Variants in CEP295 observed in about 807,000 individuals in gnomAD.
CEP295 encodes centrosomal protein 295.
In CEP295, 190 loss-of-function variants were observed where a neutral mutation model predicts 291.6. The observed-to-expected ratio is 0.65, with a 90% CI of 0.58 to 0.73. CEP295 has a LOEUF of 0.73. Among genes scored for constraint, CEP295 ranks in the 30% least tolerant of loss-of-function variants. The pLI is 0.00. For synonymous variants in CEP295, 993 were observed against 1,038.8 expected (o/e 0.96, Z 0.85); for missense variants, 2,863 against 2,949.4 (o/e 0.97, Z 0.68).
rs180954019 is a variant in CEP295, at chr11:93,725,525, G to A, written c.6319-126G>A. ...ATTGAAAAGAACTGGATTTGAAAAA[G>A]CAAATCATTGCTGTCATAGTGAAGT... On this transcript the variant is annotated intron_variant, in intron 22 of 29. Transcript: ENST00000325212. 7,024 of 777,826 alleles carry A rather than the reference G, an allele frequency of 9.0e-3. 39 individuals carry two copies. Among genetic ancestry groups the A allele is most frequent in the Non-Finnish European group, 0.011 (5,925 of 517,112 alleles). 48.2% of individuals were successfully genotyped at this position (777,826 alleles called of 1,614,324 possible).
At position 93,699,991 on chromosome 11, in the gene CEP295, A is replaced by G; in HGVS notation, c.5079A>G (p.Arg1693=). The G allele has an allele frequency of 1.3e-6, 2 of 1,551,678 alleles. No individual in the cohort carries two copies. Among genetic ancestry groups the G allele is most frequent in the Non-Finnish European group, 1.7e-6 (2 of 1,146,990 alleles). The change falls in exon 15 of 30, where the codon AGA becomes AGG. Residue 1693 remains arginine (R), a synonymous_variant. Transcript: ENST00000325212. ...SNPVIPGFQD[R]LLSFSQSVLT... ...CTGTGATCCCAGGGTTTCAAGATAG[A>G]CTTTTGAGTTTTTCACAGTCTGTCT...
intron 22 of CEP295, among the ~76,000 whole-genome samples, chr11:93,725,196 G>A (rs1323986188): frequency 2.0e-5 from 3 of 151,506 alleles, no homozygotes; most frequent in Admixed American, 6.6e-5. Flanking sequence ...GCAGTGAGCC[G>A]AGATCGTGCC....
intron 12 of CEP295, among the ~76,000 whole-genome samples, chr11:93,694,012 C>G (rs1349498512): frequency 6.6e-6 from 1 of 152,158 alleles, no homozygotes; most frequent in Non-Finnish European, 1.5e-5. Flanking sequence ...TACTACAGAA[C>G]TGTAAACAGT....
chr11:93,716,205 G>T (rs529204492), intron 18 of CEP295, among the ~76,000 whole-genome samples: 16 of 152,260 alleles, frequency 1.1e-4, no homozygotes, highest in African/African-American at 3.9e-4. Flanking sequence ...TCTGGCTAGG[G>T]CTGGTCTAAA....
In CEP295 at chr11:93,697,353, T is replaced by C; in HGVS notation, c.2441T>C (p.Met814Thr). ...SGKIQEPFSA[M>T]SKSTVSTSHS... ...AAAATTCAAGAACCCTTTTCAGCCA[T>C]GAGCAAAAGTACAGTTTCCACAAGC... The change falls in exon 15 of 30, where the codon ATG (methionine) becomes ACG (threonine). Residue 814 changes from methionine to threonine, a missense_variant. Around this residue, in one of 3 missense-constraint regions of CEP295, gnomAD observed 2,295 missense variants for 2,335.7 expected, o/e 0.98. Transcript: ENST00000325212. 6.4e-7 allele frequency: 1 copy of C among 1,551,880 alleles called. No homozygotes were observed. Among genetic ancestry groups the C allele is most frequent in the South Asian group, 1.2e-5 (1 of 84,046 alleles).
rs1439586458 is a variant in CEP295, at chr11:93,722,037, C to A, written c.5934C>A (p.Ser1978Arg). 6.5e-7 allele frequency: 1 copy of A among 1,547,750 alleles called. No homozygotes were observed. The highest frequency in any genetic ancestry group is 8.8e-7 in the Non-Finnish European group (1 of 1,140,790). ...TAAGTTATGAAAACACAGATTTGAG[C>A]CTTACAGATCCAGGTAATAAGGTCA... is the stretch of plus-strand genomic sequence containing the variant. The part of the protein sequence containing the change: ...SLLSYENTDL[S>R]LTDPESFSEH... Residue 1978 changes from serine to arginine, a missense_variant, in exon 20 of 30, where the codon AGC (serine) becomes AGA (arginine). Around this residue, in one of 3 missense-constraint regions of CEP295, gnomAD observed 2,295 missense variants for 2,335.7 expected, o/e 0.98. Coordinates refer to ENST00000325212, the MANE Select transcript of CEP295 (RefSeq NM_033395.2).
chr11:93,690,884 G>A (rs761641650), intron 10 of CEP295, among the ~76,000 whole-genome samples: 2 of 151,886 alleles, frequency 1.3e-5, no homozygotes, highest in Non-Finnish European at 2.9e-5. Flanking sequence ...TTATCCTCAC[G>A]GGGCCTTTTA....
At position 93,724,243 on chromosome 11, in the gene CEP295, T is replaced by C. The variant is rs1478978295; in HGVS notation, c.6197-11T>C. ...CCTCAAAAATTCTAACAGTTGACCT[T>C]GACTTTCCAGAATTGGAACACATTT... On this transcript the variant is annotated splice_polypyrimidine_tract_variant and intron_variant, in intron 21 of 29. Transcript: ENST00000325212. The C allele has an allele frequency of 6.5e-7, 1 of 1,543,578 alleles. No individual in the cohort carries two copies. Among genetic ancestry groups the C allele is most frequent in the Non-Finnish European group, 8.7e-7 (1 of 1,144,724 alleles).
At chr11:93,701,871 G>A (rs1183993690) in intron 15 of CEP295, among the ~76,000 whole-genome samples, 1 of 152,174 alleles carries the variant, frequency 6.6e-6, no homozygotes, top group Non-Finnish European at 1.5e-5. Context: ...CAAAGTGCTA[G>A]GATTACAGGC....
chr11:93,729,453 T>C lies in CEP295; in HGVS notation c.7322T>C (p.Leu2441Pro). 2.6e-6 allele frequency: 4 copies of C among 1,551,664 alleles called. No individual in the cohort carries two copies. Among genetic ancestry groups the C allele is most frequent in the South Asian group, 1.2e-5 (1 of 84,060 alleles). The change falls in exon 26 of 30, where the codon CTT (leucine) becomes CCT (proline). Residue 2441 changes from leucine to proline, a missense_variant. Leu to Pro is a moderately conservative substitution (Grantham distance 98). Transcript: ENST00000325212. ...CATTAGGTGAGTGAGTTTCTGCCTC[T>C]TGTATCAGCAACAGAAGCCTCAGAT... Reference protein sequence around the residue: ...CFFQVSEFLPLVSATEASDYP... With the variant: ...CFFQVSEFLPPVSATEASDYP...
rs1222206356 is a variant in CEP295 at position 93,723,087 on chromosome 11, C to G, written c.5994C>G (p.Thr1998=). 7 of 1,551,002 alleles carry G rather than the reference C, an allele frequency of 4.5e-6. No homozygotes were observed. The highest frequency in any genetic ancestry group is 6.1e-6 in the Non-Finnish European group (7 of 1,146,432). The change falls in exon 21 of 30, where the codon ACC becomes ACG. Residue 1998 remains threonine, a synonymous_variant. Coordinates refer to ENST00000325212, the MANE Select transcript of CEP295 (RefSeq NM_033395.2). ...HMDDSKQEST[T]SKEEETNIIS... ...ATGATAGCAAGCAAGAATCTACCAC[C>G]AGTAAAGAAGAGGAAACAAATATTA...
At position 93,699,701 on chromosome 11, in the gene CEP295, C is replaced by G; in HGVS notation, c.4789C>G (p.Leu1597Val). 6.4e-7 allele frequency: 1 copy of G among 1,551,602 alleles called. No individual in the cohort carries two copies. Among genetic ancestry groups the G allele is most frequent in the Non-Finnish European group, 8.7e-7 (1 of 1,147,022 alleles). The change falls in exon 15 of 30, where the codon CTG becomes GTG. Residue 1597 changes from leucine to valine, a missense_variant. Coordinates refer to ENST00000325212, the MANE Select transcript of CEP295 (RefSeq NM_033395.2). ...DRLLSLSKPI[L>V]PQQDNMTAQL... ...ACTTTTGAGTTTATCAAAGCCTATT[C>G]TGCCTCAGCAAGATAATATGACAGC... is the stretch of plus-strand genomic sequence containing the variant.
At chr11:93,718,885 C>T (rs974679976) in intron 18 of CEP295, among the ~76,000 whole-genome samples, 12 of 152,140 alleles carry the variant, frequency 7.9e-5, no homozygotes, top group Non-Finnish European at 1.3e-4. Context: ...CCCAGGTGGG[C>T]GGATCATAAG....
Position 93,730,306 on chromosome 11 carries a change from A to AT in CEP295, c.*38dup. 1.5e-6 allele frequency: 2 copies of AT among 1,376,028 alleles called. No homozygotes were observed. Among genetic ancestry groups the AT allele is most frequent in the Non-Finnish European group, 1.0e-6 (1 of 992,318 alleles). The allele number at this position is 1,376,028 out of a possible 1,614,324, so 85.2% of individuals were successfully genotyped here. A position where few individuals can be genotyped will look rare whatever the true frequency, so the allele number is the denominator to read the frequency against. On this transcript the variant is annotated 3_prime_UTR_variant, in exon 30 of 30. Transcript: ENST00000325212. Reference sequence around the variant, plus strand: ...TAGTGTAAAGGTTTTTTAATTGTGTATATGTAGCATTAGACAAAATTATTT... The same window carrying AT: ...TAGTGTAAAGGTTTTTTAATTGTGTATTATGTAGCATTAGACAAAATTATTT...
chr11:93,665,645 T>A (rs1157497755), intron 1 of CEP295, among the ~76,000 whole-genome samples: 2 of 152,066 alleles, frequency 1.3e-5, no homozygotes, highest in African/African-American at 2.4e-5. Flanking sequence ...GAGACGGAGG[T>A]TGTGGTAAGC....
At chr11:93,664,356 C>T (rs1401562746) in intron 1 of CEP295, among the ~76,000 whole-genome samples, 4 of 152,196 alleles carry the variant, frequency 2.6e-5, no homozygotes, top group Non-Finnish European at 5.9e-5. Context: ...CAGATTCTTC[C>T]CTTGGCTCCG....
chr11:93,670,037 T>A (rs1425021279), intron 5 of CEP295, among the ~76,000 whole-genome samples: 1 of 152,144 alleles, frequency 6.6e-6, no homozygotes, highest in East Asian at 1.9e-4. Flanking sequence ...TACCCAGTAT[T>A]TGTTCAGCCT....
At chr11:93,702,941 A>AT in intron 17 of CEP295, 22 bp downstream of exon 17, 4 of 1,518,044 alleles carry the variant, frequency 2.6e-6, no homozygotes, top group Non-Finnish European at 3.5e-6. Flanking sequence ...CTTTGATAAA[A>AT]CAAGATTTTT....
chr11:93,707,889 A>T (rs1952625255), intron 18 of CEP295, among the ~76,000 whole-genome samples: 1 of 152,234 alleles, frequency 6.6e-6, no homozygotes, highest in Admixed American at 6.5e-5. Flanking sequence ...ATGAGAGATG[A>T]AGGAAAGGGA....
Sources: gnomAD v4.1 joint callset for allele counts (sites outside exome capture counted in the v4.1 genomes callset) on GRCh38, gnomAD v4.1.1 for gene constraint, gnomAD v4.1.1 regional missense constraint, MANE v1.5 for transcripts, NCBI Gene and HGNC (gene_info 2026-07-23, HGNC 2026-07-21) for gene names.